WSB1: variants seen among roughly 807,000 people sequenced by gnomAD.
WSB1 encodes WD repeat and SOCS box containing 1, also known as WD repeat and SOCS box-containing protein 1.
A neutral mutation model predicts 50.2 loss-of-function variants in WSB1; 23 were observed. The observed-to-expected ratio is 0.46, with a 90% CI of 0.33 to 0.65. The LOEUF is 0.65. Among genes scored for constraint, WSB1 ranks in the 30% least tolerant of loss-of-function variants. The pLI, the probability that WSB1 is intolerant of heterozygous loss-of-function variation, is 0.02. For missense variants in WSB1, 492 were observed against 522.3 expected, an observed-to-expected ratio of 0.94 and a Z score of 0.56; for synonymous variants, 179 against 172.0, an observed-to-expected ratio of 1.04 and a Z score of -0.32.
Position 27,312,604 on chromosome 17 carries a change from T to C in WSB1, c.*235T>C, listed in dbSNP as rs1268694254. ...AAAGATCTAACTGTGAAAACATACATACCTGTACATATTTAGATATAAGCT... is the reference window on the plus strand; with the variant it reads ...AAAGATCTAACTGTGAAAACATACACACCTGTACATATTTAGATATAAGCT... On this transcript the variant is annotated 3_prime_UTR_variant, in exon 9 of 9. Coordinates refer to ENST00000262394, the MANE Select transcript of WSB1 (RefSeq NM_015626.10). 2.1e-6 allele frequency: 1 copy of C among 465,232 alleles called. No homozygotes were observed. Among genetic ancestry groups the C allele is most frequent in the Admixed American group, 4.2e-5 (1 of 23,948 alleles). 28.8% of individuals were successfully genotyped at this position (465,232 alleles called of 1,614,324 possible). A position where few individuals can be genotyped will look rare whatever the true frequency, so the allele number is the denominator to read the frequency against.
chr17:27,305,128 A>G lies in WSB1; in HGVS notation c.610+217A>G, dbSNP rs895644641. Among the ~76,000 whole-genome samples the G allele has an allele frequency of 6.6e-5, 10 of 152,346 alleles. 1 individual carries two copies. In the South Asian group the frequency reaches 1.9e-3, roughly 28 times the overall value. On this transcript the variant is annotated intron_variant, in intron 4 of 8. Coordinates refer to ENST00000262394, the MANE Select transcript of WSB1 (RefSeq NM_015626.10). ...ACAGTTATTCGAAGTAAATGATCTG[A>G]TATTATTCAGAAACTAACCACATAA... is the stretch of plus-strand genomic sequence containing the variant.
chr17:27,312,064 A>G (rs188487309), intron 8 of WSB1, 146 bp from the exon 9 acceptor site: 1 of 954,550 alleles, frequency 1.0e-6, no homozygotes, highest in East Asian at 2.5e-5. Flanking sequence ...CATGGAATAC[A>G]TCATTGGTTA....
chr17:27,308,969 A>C, intron 5 of WSB1, 131 bp from the exon 6 acceptor site: 2 of 1,314,142 alleles, frequency 1.5e-6, no homozygotes, highest in Non-Finnish European at 2.0e-6. Flanking sequence ...CACTGAGCAT[A>C]TTCTTTAAAT....
In WSB1 at chr17:27,297,098, T is replaced by C. The variant is rs1046636380; in HGVS notation, c.40+2663T>C. On this transcript the variant is annotated intron_variant, in intron 1 of 8. Transcript: ENST00000262394. ...ATATTTGAGAATTATGTTATAAATA[T>C]GTTATTATTTCATTGTCTTTGCTAT... 14 of 152,230 alleles carry C rather than the reference T, an allele frequency of 9.2e-5. 1 individual carries two copies. The highest frequency in any genetic ancestry group is 3.4e-4 in the African/African-American group (14 of 41,470). 9.4% of individuals were successfully genotyped at this position (152,230 alleles called of 1,614,324 possible). A position where few individuals can be genotyped will look rare whatever the true frequency, so the allele number is the denominator to read the frequency against.
Position 27,304,918 on chromosome 17 carries a change from CT to C in WSB1, c.610+13del. 6.2e-7 allele frequency: 1 copy of C among 1,613,504 alleles called. No homozygotes were observed. On this transcript the variant is annotated splice_region_variant and intron_variant, in intron 4 of 8. Transcript: ENST00000262394. ...TGGGACCTGAAAGATGATGGTATGTCTTTTTTCCAAGCTATGAACTAGGATT... is the reference window on the plus strand; with the variant it reads ...TGGGACCTGAAAGATGATGGTATGTCTTTTTCCAAGCTATGAACTAGGATT...
chr17:27,302,891 A>G (rs2017295707), intron 2 of WSB1: 1 of 155,082 alleles, frequency 6.4e-6, no homozygotes, highest in African/African-American at 2.4e-5. Context: ...GGTTATAGTC[A>G]CTAATGTTCT....
chr17:27,309,976 T>C, intron 6 of WSB1, 85 bp from the exon 7 acceptor site: 12 of 1,045,016 alleles, frequency 1.1e-5, no homozygotes, highest in Non-Finnish European at 1.8e-5. Flanking sequence ...TTAAACACTA[T>C]TCAAAGACAG....
At chr17:27,300,381 C>A (rs1469353482) in intron 1 of WSB1, among the ~76,000 whole-genome samples, 1 of 152,120 alleles carries the variant, frequency 6.6e-6, no homozygotes, top group Non-Finnish European at 1.5e-5. Flanking sequence ...ATAGGTGATA[C>A]ACTGATAAAG....
intron 5 of WSB1, chr17:27,307,834 A>G: frequency 6.6e-7 from 1 of 1,510,756 alleles, no homozygotes; most frequent in Admixed American, 2.2e-5. Flanking sequence ...AAAGAGTGGC[A>G]TCTCTGGCTA....
In WSB1 at chr17:27,311,606, T is replaced by C. The variant is rs756971283; in HGVS notation, c.1096T>C (p.Leu366=). ...CCAFSTDGSV[L]AAGTHDGSVY... ...TGCCTTCTCTACTGATGGCAGTGTTTTAGCTGCTGGGTAAATATATTTTTC... is the reference window on the plus strand; with the variant it reads ...TGCCTTCTCTACTGATGGCAGTGTTCTAGCTGCTGGGTAAATATATTTTTC... Residue 366 remains leucine, a synonymous_variant, in exon 8 of 9, where the codon TTA becomes CTA. Transcript: ENST00000262394. 6.3e-7 allele frequency: 1 copy of C among 1,584,960 alleles called. No homozygotes were observed. The highest frequency in any genetic ancestry group is 2.2e-5 in the East Asian group (1 of 44,574).
chr17:27,298,193 A>G (rs1266181168), intron 1 of WSB1, among the ~76,000 whole-genome samples: 1 of 150,620 alleles, frequency 6.6e-6, no homozygotes, highest in Non-Finnish European at 1.5e-5. Flanking sequence ...TTGCTAAGGG[A>G]GAGCTTAATT....
chr17:27,308,287 TATAAC>T lies in WSB1; in HGVS notation c.712-811_712-807del, dbSNP rs1448963088. On this transcript the variant is annotated intron_variant, in intron 5 of 8. Coordinates refer to ENST00000262394, the MANE Select transcript of WSB1 (RefSeq NM_015626.10). The stretch of plus-strand genomic sequence containing the variant: ...GATAAACCTCCAAGCTCACATTTAA[TATAAC>T]AGACTGAAGTAAACATTAGAATCCT... 3.8e-5 allele frequency: 37 copies of T among 986,098 alleles called. No homozygotes were observed. The African/African-American group carries it at 4.9e-4, about 13-fold the overall frequency. 61.1% of individuals were successfully genotyped at this position (986,098 alleles called of 1,614,324 possible).
chr17:27,312,492 T>C lies in WSB1; in HGVS notation c.*123T>C. On this transcript the variant is annotated 3_prime_UTR_variant, in exon 9 of 9. Coordinates refer to ENST00000262394, the MANE Select transcript of WSB1 (RefSeq NM_015626.10). The stretch of plus-strand genomic sequence containing the variant: ...AGATTTATTTAATTTGATATGTTCT[T>C]GTACTGCATTTTGATCAGTTGAGCT... The C allele has an allele frequency of 7.8e-7, 1 of 1,282,042 alleles. No homozygotes were observed. Among genetic ancestry groups the C allele is most frequent in the Non-Finnish European group, 1.1e-6 (1 of 925,758 alleles). 79.4% of individuals were successfully genotyped at this position (1,282,042 alleles called of 1,614,324 possible).
At position 27,301,954 on chromosome 17, in the gene WSB1, C is replaced by T; in HGVS notation, c.207C>T (p.Asn69=). The change falls in exon 2 of 9, where the codon AAC becomes AAT. Residue 69 remains asparagine (N), a splice_region_variant and synonymous_variant. Coordinates refer to ENST00000262394, the MANE Select transcript of WSB1 (RefSeq NM_015626.10). ...TTCCGTGGTCCCAGTGCCTTCAGAA[C>T]TTGTAAGACTGTTACTTTTCTGTAT... The part of the protein sequence containing the change: ...KLVPWSQCLQ[N]FLLHGTKNVT... 1.3e-6 allele frequency: 2 copies of T among 1,559,534 alleles called. No homozygotes were observed. The highest frequency in any genetic ancestry group is 1.7e-6 in the Non-Finnish European group (2 of 1,158,008).
At chr17:27,307,617 T>C in intron 5 of WSB1, 1 of 889,526 alleles carries the variant, frequency 1.1e-6, no homozygotes, top group South Asian at 1.8e-5. Context: ...TAGTTATAAA[T>C]GTTGGAAGTT....
intron 5 of WSB1, chr17:27,308,723 A>G: frequency 2.0e-6 from 2 of 986,884 alleles, no homozygotes; most frequent in Non-Finnish European, 2.4e-6. Context: ...AAAATCTGGT[A>G]GTTTCTGGAA....
chr17:27,315,216 A>G lies in WSB1; in HGVS notation c.*2847A>G, dbSNP rs2017807698. 1 of 152,170 alleles carries G rather than the reference A, an allele frequency of 6.6e-6. No homozygotes were observed. Among genetic ancestry groups the G allele is most frequent in the Non-Finnish European group, 1.5e-5 (1 of 68,032 alleles). The allele number at this position is 152,170 out of a possible 1,614,324, so 9.4% of individuals were successfully genotyped here. Reference sequence around the variant, plus strand: ...TCAGATTCTAGCTACATGATTTGAAAATGACACTGCCTCTCCTATTTTGCC... The same window carrying G: ...TCAGATTCTAGCTACATGATTTGAAGATGACACTGCCTCTCCTATTTTGCC... On this transcript the variant is annotated 3_prime_UTR_variant, in exon 9 of 9. Coordinates refer to ENST00000262394, the MANE Select transcript of WSB1 (RefSeq NM_015626.10).
intron 1 of WSB1, among the ~76,000 whole-genome samples, chr17:27,297,486 TA>T (rs200208048): frequency 3.6e-4 from 54 of 150,540 alleles, no homozygotes; most frequent in Middle Eastern, 3.4e-3. Context: ...TTTTTTTTTT[TA>T]GACAGAGTCT....
chr17:27,307,562 C>T, intron 5 of WSB1: 1 of 591,252 alleles, frequency 1.7e-6, no homozygotes, highest in East Asian at 3.1e-5. Context: ...GGGTGGGAGG[C>T]TAGTTGAAAT....
Sources: gnomAD v4.1 joint callset for allele counts (sites outside exome capture counted in the v4.1 genomes callset) on GRCh38, gnomAD v4.1.1 for gene constraint, MANE v1.5 for transcripts, NCBI Gene and HGNC (gene_info 2026-07-23, HGNC 2026-07-21) for gene names.